Variants in MRPL13 observed in about 807,000 individuals in gnomAD.
MRPL13 encodes large ribosomal subunit protein uL13m.
In MRPL13, 33 loss-of-function variants were observed where a neutral mutation model predicts 29.0. The observed-to-expected ratio is 1.14, with a 90% CI of 0.86 to 1.52. The LOEUF (loss-of-function observed/expected upper bound fraction) is 1.52. Ranked by LOEUF, MRPL13 falls within the 40% of genes most tolerant of loss-of-function variation. The pLI is 0.00. For missense variants in MRPL13, 227 were observed against 216.7 expected (o/e 1.05, Z -0.30); for synonymous variants, 77 against 68.4 (o/e 1.13, Z -0.62).
chr8:120,430,869 T>C (rs750292400), intron 3 of MRPL13, among the ~76,000 whole-genome samples: 5 of 152,216 alleles, frequency 3.3e-5, no homozygotes, highest in Non-Finnish European at 7.3e-5. Flanking sequence ...CTACATATTA[T>C]TGCTATAGTA....
chr8:120,405,394 A>C (rs181990133), intron 6 of MRPL13, among the ~76,000 whole-genome samples: 187 of 152,324 alleles, frequency 1.2e-3, no homozygotes, highest in Non-Finnish European at 2.1e-3. Flanking sequence ...CAGGCATACA[A>C]ATTGCTTGGA....
chr8:120,443,002 C>T (rs1175176632), intron 2 of MRPL13, among the ~76,000 whole-genome samples, 183 bp downstream of exon 2: 1 of 152,048 alleles, frequency 6.6e-6, no homozygotes, highest in Non-Finnish European at 1.5e-5. Context: ...CTGATCCATA[C>T]GGTTTTCCAG....
chr8:120,413,950 A>T (rs774383523), intron 6 of MRPL13, 41 bp downstream of exon 6: 1 of 1,468,704 alleles, frequency 6.8e-7, no homozygotes, highest in Admixed American at 2.6e-5. Flanking sequence ...GAAACAGAGG[A>T]TATCAAAAGA....
intron 6 of MRPL13, 149 bp from the exon 7 acceptor site, chr8:120,396,274 A>C (rs1430838824): frequency 9.5e-6 from 6 of 629,806 alleles, no homozygotes; most frequent in South Asian, 6.4e-5. Context: ...TGAAAAAAAA[A>C]CATTAACATC....
chr8:120,441,380 AAG>A (rs1480149181), intron 2 of MRPL13, among the ~76,000 whole-genome samples: 62 of 152,282 alleles, frequency 4.1e-4, no homozygotes, highest in African/African-American at 1.4e-3. Flanking sequence ...AAGGCATGAG[AAG>A]AGGTTCAAGG....
At chr8:120,412,712 AG>A (rs1216154330) in intron 6 of MRPL13, among the ~76,000 whole-genome samples, 2 of 152,172 alleles carry the variant, frequency 1.3e-5, no homozygotes, top group African/African-American at 4.8e-5. Flanking sequence ...ACTATTTCTA[AG>A]GGTTTCTAAG....
Position 120,420,872 on chromosome 8 carries a change from G to A in MRPL13, c.307-934C>T, listed in dbSNP as rs924529911. Among the ~76,000 whole-genome samples the A allele has an allele frequency of 3.3e-5, 5 of 151,960 alleles. No homozygotes were observed. The East Asian group carries it at 9.6e-4, about 29-fold the overall frequency. ...TAGTTGTATTTATTTGAATTACTAA[G>A]TTGGTATTTTAAAAATCTGCCCTAT... is the stretch of plus-strand genomic sequence containing the variant. On this transcript the variant is annotated intron_variant, in intron 4 of 6. Coordinates refer to ENST00000306185, the MANE Select transcript of MRPL13 (RefSeq NM_014078.6).
chr8:120,424,503 C>A (rs1176769666), intron 4 of MRPL13, among the ~76,000 whole-genome samples: 1 of 151,886 alleles, frequency 6.6e-6, no homozygotes, highest in Admixed American at 6.6e-5. Context: ...TGGTGGCTCT[C>A]GCCTGTAATC....
In MRPL13 at chr8:120,397,197, G is replaced by T. The variant is rs1472530053; in HGVS notation, c.516-1072C>A. On this transcript the variant is annotated intron_variant, in intron 6 of 6. Coordinates refer to ENST00000306185, the MANE Select transcript of MRPL13 (RefSeq NM_014078.6). Reference sequence around the variant, plus strand: ...ACCCTCGTGAGCCCACACCACCAGGGCCTTGGGTCCAATACACAGAGCTGT... The same window carrying T: ...ACCCTCGTGAGCCCACACCACCAGGTCCTTGGGTCCAATACACAGAGCTGT... 1.6e-4 allele frequency among the ~76,000 whole-genome samples: 23 copies of T among 143,664 alleles called. No homozygotes were observed. The East Asian group carries it at 4.8e-3, about 30-fold the overall frequency. The allele number at this position is 143,664 out of a possible 152,430, so 94.2% of individuals were successfully genotyped here.
chr8:120,431,746 G>A (rs1812998909), intron 3 of MRPL13, among the ~76,000 whole-genome samples: 2 of 152,056 alleles, frequency 1.3e-5, no homozygotes, highest in Admixed American at 1.3e-4. Flanking sequence ...ATGAATTACA[G>A]GAAGCAGAAA....
intron 5 of MRPL13, chr8:120,415,778 T>C (rs752637603): frequency 4.6e-5 from 7 of 152,158 alleles, no homozygotes; most frequent in Non-Finnish European, 8.8e-5. Flanking sequence ...AGAGGATGCC[T>C]GGACATATAA....
At position 120,425,346 on chromosome 8, in the gene MRPL13, T is replaced by C. The variant is rs1308319574; in HGVS notation, c.266A>G (p.Gln89Arg). 3 of 1,612,748 alleles carry C rather than the reference T, an allele frequency of 1.9e-6. No homozygotes were observed. The highest frequency in any genetic ancestry group is 1.7e-4 in the Middle Eastern group (1 of 6,046). ...SHTGYPGGFR[Q>R]VTAAQLHLRD... ...CAGGTGAAGCTGAGCAGCTGTTACTTGTCTAAATCCACCTGGGTAGCTGTT... is the reference window on the plus strand; with the variant it reads ...CAGGTGAAGCTGAGCAGCTGTTACTCGTCTAAATCCACCTGGGTAGCTGTT... Residue 89 changes from glutamine (Q) to arginine (R), a missense_variant, in exon 4 of 7, where the codon CAA becomes CGA. Physicochemically the swap from Gln to Arg is conservative, Grantham distance 43. Transcript: ENST00000306185.
intron 3 of MRPL13, among the ~76,000 whole-genome samples, chr8:120,430,872 C>A (rs758406044): frequency 2.0e-5 from 3 of 152,154 alleles, no homozygotes; most frequent in African/African-American, 7.2e-5. Context: ...CATATTATTG[C>A]TATAGTAATT....
intron 3 of MRPL13, among the ~76,000 whole-genome samples, chr8:120,428,143 A>C (rs1017842298): frequency 4.7e-5 from 7 of 150,116 alleles, no homozygotes; most frequent in Admixed American, 3.3e-4. Flanking sequence ...AAAAAAAAAA[A>C]AAAACCAGAC....
Position 120,416,424 on chromosome 8 carries a change from G to A in MRPL13, c.394-2312C>T, listed in dbSNP as rs954775153. On this transcript the variant is annotated intron_variant, in intron 5 of 6. Transcript: ENST00000306185. The stretch of plus-strand genomic sequence containing the variant: ...CAGGAGAATGGCGTGAACCTAGGAG[G>A]CGGAGCTTGCAGTGAGCCCAGATTG... Among the ~76,000 whole-genome samples the A allele has an allele frequency of 2.6e-5, 4 of 152,284 alleles. No individual in the cohort carries two copies. In the South Asian group the frequency reaches 8.3e-4, roughly 32 times the overall value.
At chr8:120,411,647 T>C (rs567231784) in intron 6 of MRPL13, among the ~76,000 whole-genome samples, 1 of 152,300 alleles carries the variant, frequency 6.6e-6, no homozygotes, top group Admixed American at 6.5e-5. Flanking sequence ...CAAGTTAACA[T>C]ATGCGTGTGA....
At chr8:120,418,410 T>C (rs937286137) in intron 5 of MRPL13, among the ~76,000 whole-genome samples, 10 of 152,076 alleles carry the variant, frequency 6.6e-5, no homozygotes, top group African/African-American at 2.2e-4. Context: ...TCCTGATGTA[T>C]GTATTTTCAT....
chr8:120,427,010 G>C (rs1313557685), intron 3 of MRPL13, among the ~76,000 whole-genome samples: 1 of 151,970 alleles, frequency 6.6e-6, no homozygotes, highest in Non-Finnish European at 1.5e-5. Context: ...AGAAGTAAAT[G>C]TTTATGAAAA....
At chr8:120,424,848 T>C (rs1812914649) in intron 4 of MRPL13, among the ~76,000 whole-genome samples, 2 of 152,084 alleles carry the variant, frequency 1.3e-5, no homozygotes, top group Admixed American at 1.3e-4. Flanking sequence ...CAGAATAAAA[T>C]GGACAGACCT....
Sources: allele counts gnomAD v4.1 joint callset (sites outside exome capture counted in the v4.1 genomes callset), GRCh38; gene constraint gnomAD v4.1.1; transcripts MANE v1.5; gene names NCBI Gene and HGNC (gene_info 2026-07-23, HGNC 2026-07-21).